Variants in CSTL1 observed in about 807,000 individuals in gnomAD.
CSTL1 encodes cystatin-like 1.
Under a neutral mutation model 14.4 loss-of-function variants are expected in CSTL1, and 14 were observed. That is an observed-to-expected ratio of 0.97 (90% CI 0.64 to 1.52). CSTL1 has a LOEUF of 1.52. Among genes scored for constraint, CSTL1 ranks in the 40% most tolerant of loss-of-function variants. The probability of loss-of-function intolerance (pLI) is 0.00; values close to 1 mark genes in which losing one functional copy is unlikely to be tolerated. For missense variants in CSTL1, 170 were observed against 168.7 expected (o/e 1.01, Z -0.04); for synonymous variants, 72 against 67.5 (o/e 1.07, Z -0.33).
chr20:23,456,930 A>G, the CSTL1 span, among the ~76,000 whole-genome samples: 1 of 152,108 alleles, frequency 6.6e-6, no homozygotes, highest in Non-Finnish European at 1.5e-5. Context: ...GATTAATTAC[A>G]TGGGGCCCCT....
chr20:23,446,693 C>G (rs6114088), downstream of CSTL1, among the ~76,000 whole-genome samples: 1 of 152,132 alleles, frequency 6.6e-6, no homozygotes, highest in Non-Finnish European at 1.5e-5. Context: ...GGCTGACAGT[C>G]GATTAGAGAA....
chr20:23,441,511 T>A (rs1468152404), intron 2 of CSTL1, among the ~76,000 whole-genome samples: 1 of 152,192 alleles, frequency 6.6e-6, no homozygotes, highest in Admixed American at 6.5e-5. Flanking sequence ...CCCACATCCA[T>A]GGATTCTGAA....
the CSTL1 span, among the ~76,000 whole-genome samples, chr20:23,456,521 G>T: frequency 6.6e-6 from 1 of 152,140 alleles, no homozygotes. Context: ...CCAAGCCTTG[G>T]CAGAATTTTA....
chr20:23,459,647 C>G, the CSTL1 span, among the ~76,000 whole-genome samples: 11 of 152,180 alleles, frequency 7.2e-5, no homozygotes, highest in African/African-American at 2.4e-4. Flanking sequence ...CCCATTGGGT[C>G]ATTCTTCAGA....
downstream of CSTL1, chr20:23,444,973 ATG>A: frequency 1.2e-6 from 1 of 800,580 alleles, no homozygotes; most frequent in Non-Finnish European, 2.2e-6. Flanking sequence ...ACACACACAC[ATG>A]CACACACAGA....
chr20:23,450,608 G>A, the CSTL1 span: 32 of 1,590,648 alleles, frequency 2.0e-5, no homozygotes, highest in Non-Finnish European at 2.5e-5. Flanking sequence ...AAAAACAAAG[G>A]CAATATTTTA....
the CSTL1 span, among the ~76,000 whole-genome samples, chr20:23,452,157 G>T: frequency 5.6e-4 from 85 of 152,338 alleles, no homozygotes; most frequent in African/African-American, 1.7e-3. Context: ...CTTGGGTAAT[G>T]CAAGTGACGC....
At chr20:23,460,807 A>G in the CSTL1 span, among the ~76,000 whole-genome samples, 20 of 152,196 alleles carry the variant, frequency 1.3e-4, no homozygotes, top group Non-Finnish European at 2.2e-4. Context: ...TGGGGCCCCA[A>G]GCTCATTTAG....
At chr20:23,442,841 T>C (rs1319569039) in intron 2 of CSTL1, among the ~76,000 whole-genome samples, 2 of 152,148 alleles carry the variant, frequency 1.3e-5, no homozygotes, top group Non-Finnish European at 2.9e-5. Context: ...CCAGAGCTTC[T>C]CCTGCACCGG....
Position 23,443,963 on chromosome 20 carries a change from T to G in CSTL1, c.249T>G (p.Thr83=), listed in dbSNP as rs1195827601. The G allele has an allele frequency of 6.2e-7, 1 of 1,614,060 alleles. No individual in the cohort carries two copies. The highest frequency in any genetic ancestry group is 8.5e-7 in the Non-Finnish European group (1 of 1,179,916). The stretch of plus-strand genomic sequence containing the variant: ...CGACGGGAGTGGAGTATATAGTCAC[T>G]GTGAAGATTGGCTGGACCAAATGCA... ...QLTTGVEYIV[T]VKIGWTKCKR... is the part of the protein sequence containing the mutation. The change falls in exon 3 of 4, where the codon ACT becomes ACG. Residue 83 remains threonine (T), a synonymous_variant. Transcript: ENST00000347397.
At chr20:23,445,757 C>T (rs1484082031), downstream of CSTL1, among the ~76,000 whole-genome samples, 3 of 152,146 alleles carry the variant, frequency 2.0e-5, no homozygotes, top group African/African-American at 7.2e-5. Context: ...TCTGAGATTC[C>T]CAATACCAAA....
chr20:23,452,907 C>T, the CSTL1 span: 1 of 948,530 alleles, frequency 1.1e-6, no homozygotes. Flanking sequence ...GATTTAAGAG[C>T]AGCTGGTGGT....
the CSTL1 span, among the ~76,000 whole-genome samples, chr20:23,453,452 G>A: frequency 2.0e-5 from 3 of 152,172 alleles, no homozygotes; most frequent in East Asian, 3.9e-4. Flanking sequence ...GCAGTGGCGA[G>A]GAAGCTTCAG....
the CSTL1 span, among the ~76,000 whole-genome samples, chr20:23,454,589 G>A: frequency 3.3e-5 from 5 of 152,150 alleles, no homozygotes; most frequent in African/African-American, 4.8e-5. Flanking sequence ...ACCACAGAGC[G>A]AACACTGTGG....
At chr20:23,461,171 T>G in the CSTL1 span, among the ~76,000 whole-genome samples, 1 of 152,186 alleles carries the variant, frequency 6.6e-6, no homozygotes, top group Non-Finnish European at 1.5e-5. Flanking sequence ...AGGCACAGAT[T>G]GTTAGCATTT....
chr20:23,454,242 C>A, the CSTL1 span, among the ~76,000 whole-genome samples: 9 of 151,194 alleles, frequency 6.0e-5, 1 homozygote, highest in Middle Eastern at 0.01. Flanking sequence ...ACGTACATGC[C>A]CACACTCACA....
chr20:23,450,456 T>C, the CSTL1 span: 2 of 1,193,188 alleles, frequency 1.7e-6, no homozygotes, highest in South Asian at 1.4e-5. Context: ...TTATTGCCCA[T>C]TGCAGGATTC....
chr20:23,452,893 G>T, the CSTL1 span: 1 of 1,137,592 alleles, frequency 8.8e-7, no homozygotes, highest in Non-Finnish European at 1.3e-6. Context: ...ACCTGCCCTG[G>T]CAGGATTTAA....
downstream of CSTL1, among the ~76,000 whole-genome samples, chr20:23,449,115 G>A (rs146127462): frequency 3.3e-3 from 510 of 152,280 alleles, 9 homozygotes; most frequent in Admixed American, 0.025. Flanking sequence ...TGTTGCTGAC[G>A]TGCATCTCAG....
Sources: allele counts gnomAD v4.1 joint callset (sites outside exome capture counted in the v4.1 genomes callset), GRCh38; gene constraint gnomAD v4.1.1; transcripts MANE v1.5; gene names NCBI Gene and HGNC (gene_info 2026-07-23, HGNC 2026-07-21).